The following ZMAT2 variants were observed in gnomAD, a reference collection of about 807,000 sequenced individuals.
ZMAT2 encodes zinc finger matrin-type 2.
A neutral mutation model predicts 27.5 loss-of-function variants in ZMAT2; 5 were observed. The ratio of observed to expected loss-of-function variants is 0.18; its 90% CI spans 0.10 to 0.38. The LOEUF (loss-of-function observed/expected upper bound fraction) is 0.38. Ranked by LOEUF, ZMAT2 falls within the 10% of genes least tolerant of loss-of-function variation. The probability of loss-of-function intolerance (pLI) is 1.00; values close to 1 mark genes in which losing one functional copy is unlikely to be tolerated. For missense variants in ZMAT2, 124 were observed against 243.9 expected, an observed-to-expected ratio of 0.51 and a Z score of 3.27; for synonymous variants, 76 against 78.6, an observed-to-expected ratio of 0.97 and a Z score of 0.17.
At chr5:140,704,104 T>A in intron 4 of ZMAT2, 113 bp downstream of exon 4, 1 of 1,009,148 alleles carries the variant, frequency 9.9e-7, no homozygotes, top group Non-Finnish European at 1.5e-6. Flanking sequence ...ATGGCTGGAG[T>A]AAGAAGGGTA....
intron 3 of ZMAT2, 128 bp from the exon 4 acceptor site, chr5:140,703,790 T>G: frequency 1.2e-6 from 1 of 835,836 alleles, no homozygotes; most frequent in Non-Finnish European, 2.0e-6. Context: ...TCTCGAAAGC[T>G]AAGGCTTTAT....
rs527675283 is a variant in ZMAT2, at chr5:140,701,022, G to C, written c.112+110G>C. The C allele has an allele frequency of 3.3e-4, 345 of 1,045,532 alleles. 1 individual carries two copies. The African/African-American group carries it at 5.2e-3, about 16-fold the overall frequency. 64.8% of individuals were successfully genotyped at this position (1,045,532 alleles called of 1,614,324 possible). A position where few individuals can be genotyped will look rare whatever the true frequency, so the allele number is the denominator to read the frequency against. Reference sequence around the variant, plus strand: ...TTCCCACGCGGTGTAAGCTCTGGCAGAGTGCTGCTTCCCTGGGCCTAGGTT... The same window carrying C: ...TTCCCACGCGGTGTAAGCTCTGGCACAGTGCTGCTTCCCTGGGCCTAGGTT... On this transcript the variant is annotated intron_variant, in intron 2 of 5. Transcript: ENST00000274712.
intron 5 of ZMAT2, among the ~76,000 whole-genome samples, chr5:140,704,819 T>TTA (rs1760029127): frequency 6.7e-6 from 1 of 150,066 alleles, no homozygotes; most frequent in Non-Finnish European, 1.5e-5. Flanking sequence ...AAAAAAAAAT[T>TTA]TTTTTTTTTT....
Position 140,706,501 on chromosome 5 carries a change from T to C in ZMAT2, c.*745T>C, listed in dbSNP as rs544302949. On this transcript the variant is annotated 3_prime_UTR_variant, in exon 6 of 6. Transcript: ENST00000274712. ...CATGTTTCATTTTCCTGAAGATTTA[T>C]GTTTTTGTCTACCTTGTGAGCAGGC... 2 of 152,668 alleles carry C rather than the reference T, an allele frequency of 1.3e-5. No homozygotes were observed. Among genetic ancestry groups the C allele is most frequent in the Non-Finnish European group, 2.9e-5 (2 of 68,044 alleles). The allele number at this position is 152,668 out of a possible 1,614,324, so 9.5% of individuals were successfully genotyped here. A position where few individuals can be genotyped will look rare whatever the true frequency, so the allele number is the denominator to read the frequency against.
Position 140,705,870 on chromosome 5 carries a change from A to T in ZMAT2, c.*114A>T. 2 of 1,366,122 alleles carry T rather than the reference A, an allele frequency of 1.5e-6. No homozygotes were observed. Among genetic ancestry groups the T allele is most frequent in the African/African-American group, 1.5e-5 (1 of 68,832 alleles). 84.6% of individuals were successfully genotyped at this position (1,366,122 alleles called of 1,614,324 possible). The stretch of plus-strand genomic sequence containing the variant: ...AATGGGAAAGTTCTTAAGAGTGTCA[A>T]TGGGGAGGGATAGAGGGTGGGGGCT... On this transcript the variant is annotated 3_prime_UTR_variant, in exon 6 of 6. Transcript: ENST00000274712.
chr5:140,703,502 G>A (rs1372182426), intron 3 of ZMAT2, among the ~76,000 whole-genome samples: 6 of 152,108 alleles, frequency 3.9e-5, no homozygotes, highest in African/African-American at 1.4e-4. Context: ...CCAAAGTGCT[G>A]GGATTACAGG....
At chr5:140,704,788 T>C (rs1760027057) in intron 5 of ZMAT2, among the ~76,000 whole-genome samples, 2 of 148,370 alleles carry the variant, frequency 1.3e-5, no homozygotes. Flanking sequence ...TCTCTGGGCC[T>C]TATTTTTTTT....
chr5:140,703,136 G>A (rs1259737130), intron 3 of ZMAT2, among the ~76,000 whole-genome samples: 4 of 152,160 alleles, frequency 2.6e-5, no homozygotes, highest in Admixed American at 2.0e-4. Context: ...TGAATCTTAA[G>A]TGGGGCTGGA....
rs1237821915 is a variant in ZMAT2, at chr5:140,705,621, G to A, written c.465G>A (p.Lys155=). The change falls in exon 6 of 6, where the codon AAG becomes AAA. Residue 155 remains lysine (K), a synonymous_variant. Coordinates refer to ENST00000274712, the MANE Select transcript of ZMAT2 (RefSeq NM_144723.3). ...RMKELREEEE[K]AKAYKKEKQK... is the part of the protein sequence containing the mutation. ...GTGATTTTTCCCTCCAGGAGGAAAA[G>A]GCCAAAGCGTACAAGAAAGAGAAAC... 2.5e-6 allele frequency: 4 copies of A among 1,612,830 alleles called. No individual in the cohort carries two copies. In the South Asian group the frequency reaches 3.3e-5, roughly 13 times the overall value.
At chr5:140,700,594 G>A (rs1255474414) in intron 1 of ZMAT2, 116 bp downstream of exon 1, 2 of 1,570,820 alleles carry the variant, frequency 1.3e-6, no homozygotes, top group Non-Finnish European at 1.7e-6. Context: ...AGATCCCAGG[G>A]TTCAGGTTCA....
Position 140,701,379 on chromosome 5 carries a change from T to C in ZMAT2, c.112+467T>C, listed in dbSNP as rs553958244. Among the ~76,000 whole-genome samples, 3 of 152,282 alleles carry C rather than the reference T, an allele frequency of 2.0e-5. No individual in the cohort carries two copies. In the South Asian group the frequency reaches 6.2e-4, roughly 32 times the overall value. ...ATCTGTGATTGTTTCAGCTAGAGCT[T>C]AGTAGTGCTGTTTCTCTGTGCCTTG... On this transcript the variant is annotated intron_variant, in intron 2 of 5. Transcript: ENST00000274712.
chr5:140,702,263 T>G, intron 3 of ZMAT2, 134 bp downstream of exon 3: 1 of 1,210,632 alleles, frequency 8.3e-7, no homozygotes, highest in Non-Finnish European at 1.1e-6. Context: ...TATCTTTATA[T>G]TTGTTTTTCT....
intron 5 of ZMAT2, among the ~76,000 whole-genome samples, chr5:140,704,777 C>A (rs1425922620): frequency 6.7e-6 from 1 of 148,774 alleles, no homozygotes; most frequent in East Asian, 2.0e-4. Flanking sequence ...TTCTCCTAGA[C>A]TCTCTGGGCC....
rs1457702053 is a variant in ZMAT2, at chr5:140,700,910, A to G, written c.110A>G (p.Asp37Gly). The change falls in exon 2 of 6, where the codon GAT becomes GGT. Residue 37 changes from aspartate to glycine, a missense_variant and splice_region_variant. This residue lies in a region of ZMAT2 where 34 missense variants were observed against 50.8 expected (regional missense o/e 0.67). Coordinates refer to ENST00000274712, the MANE Select transcript of ZMAT2 (RefSeq NM_144723.3). ...CTCACGGAAGAGAGAGAAAAGAAAGATGGTGGGTGCTAACTACATCAAGGG... is the reference window on the plus strand; with the variant it reads ...CTCACGGAAGAGAGAGAAAAGAAAGGTGGTGGGTGCTAACTACATCAAGGG... Reference protein sequence around the residue: ...KRLTEEREKKDGKPVQPVKRE... With the variant: ...KRLTEEREKKGGKPVQPVKRE... 2 of 1,613,922 alleles carry G rather than the reference A, an allele frequency of 1.2e-6. No homozygotes were observed. The highest frequency in any genetic ancestry group is 1.3e-5 in the African/African-American group (1 of 74,902).
chr5:140,702,838 C>T (rs954605321), intron 3 of ZMAT2, among the ~76,000 whole-genome samples: 6 of 152,206 alleles, frequency 3.9e-5, no homozygotes, highest in Non-Finnish European at 1.5e-5. Flanking sequence ...CCTTTTGCCC[C>T]CCACTGCTTC....
At chr5:140,703,217 TTTTTTC>T (rs1451974105) in intron 3 of ZMAT2, among the ~76,000 whole-genome samples, 1 of 151,718 alleles carries the variant, frequency 6.6e-6, no homozygotes, top group African/African-American at 2.4e-5. Flanking sequence ...TAGACCTTTC[TTTTTTC>T]TTTTTCTTTT....
chr5:140,703,585 C>T (rs1182176959), intron 3 of ZMAT2, among the ~76,000 whole-genome samples: 4 of 152,180 alleles, frequency 2.6e-5, no homozygotes, highest in South Asian at 2.1e-4. Context: ...CTGGCTTCCC[C>T]AGAGCAAGTA....
chr5:140,702,180 C>A (rs1759974353), intron 3 of ZMAT2, 51 bp downstream of exon 3: 1 of 1,598,752 alleles, frequency 6.3e-7, no homozygotes. Flanking sequence ...TCTAATAAGC[C>A]ACCTATTTTG....
chr5:140,704,132 T>C lies in ZMAT2; in HGVS notation c.310+141T>C, dbSNP rs1177839344. On this transcript the variant is annotated intron_variant, in intron 4 of 5. Coordinates refer to ENST00000274712, the MANE Select transcript of ZMAT2 (RefSeq NM_144723.3). The stretch of plus-strand genomic sequence containing the variant: ...GAAGGGTAGTTTCTACTGGGCTCTT[T>C]TTTGATGCCCCTATTAGAACTCTCC... 4 of 781,268 alleles carry C rather than the reference T, an allele frequency of 5.1e-6. No homozygotes were observed. In the Admixed American group the frequency reaches 7.9e-5, roughly 15 times the overall value. 48.4% of individuals were successfully genotyped at this position (781,268 alleles called of 1,614,324 possible). A position where few individuals can be genotyped will look rare whatever the true frequency, so the allele number is the denominator to read the frequency against.
Sources: allele counts gnomAD v4.1 joint callset (sites outside exome capture counted in the v4.1 genomes callset), GRCh38; gene constraint gnomAD v4.1.1; regional missense constraint gnomAD v4.1.1; transcripts MANE v1.5; gene names NCBI Gene and HGNC (gene_info 2026-07-23, HGNC 2026-07-21).